The following IKZF2 variants were observed in gnomAD, a reference collection of about 807,000 sequenced individuals.
IKZF2 encodes the protein zinc finger protein Helios.
A neutral mutation model predicts 49.2 loss-of-function variants in IKZF2; 15 were observed. The ratio of observed to expected loss-of-function variants is 0.30; its 90% CI spans 0.20 to 0.47. The LOEUF is 0.47. IKZF2 is among the 20% of genes least tolerant of loss of function. IKZF2 has a pLI of 1.00. For missense variants in IKZF2, 567 were observed against 664.6 expected (o/e 0.85, Z 1.61); for synonymous variants, 227 against 221.4 (o/e 1.03, Z -0.23).
At chr2:213,078,664 A>C (rs1703553865) in intron 4 of IKZF2, among the ~76,000 whole-genome samples, 1 of 152,164 alleles carries the variant, frequency 6.6e-6, no homozygotes, top group Non-Finnish European at 1.5e-5. Flanking sequence ...CCCTTTGAAA[A>C]GTGAGTCCAG....
intron 4 of IKZF2, among the ~76,000 whole-genome samples, chr2:213,085,952 G>T (rs1331232502): frequency 6.6e-6 from 1 of 152,266 alleles, no homozygotes; most frequent in East Asian, 1.9e-4. Context: ...TCTTAAACTT[G>T]AGAAGGTGGT....
chr2:213,023,337 T>G (rs1198568360), intron 6 of IKZF2, among the ~76,000 whole-genome samples: 3 of 152,224 alleles, frequency 2.0e-5, no homozygotes, highest in Non-Finnish European at 2.9e-5. Flanking sequence ...AAAAGAAAGC[T>G]ACACCAAACC....
intron 4 of IKZF2, among the ~76,000 whole-genome samples, chr2:213,116,616 T>C (rs973090340): frequency 1.3e-5 from 2 of 152,088 alleles, no homozygotes; most frequent in Admixed American, 6.5e-5. Flanking sequence ...CCTGTGCCTG[T>C]AGTCCCAGCT....
chr2:213,148,623 T>C lies in IKZF2; in HGVS notation c.7A>G (p.Thr3Ala), dbSNP rs1175309970. ME[T>A]EAIDGYITCD... ...GTTATATAGCCATCAATAGCCTCTG[T>C]TTCCATAGTCAAAGTGCAATGCTGC... Residue 3 changes from threonine (T) to alanine (A), a missense_variant, in exon 3 of 9, where the codon ACA becomes GCA. Physicochemically the swap from Thr to Ala is moderately conservative, Grantham distance 58. Coordinates refer to ENST00000434687, the MANE Select transcript of IKZF2 (RefSeq NM_001387220.1). The C allele has an allele frequency of 1.9e-6, 3 of 1,612,100 alleles. No homozygotes were observed. Among genetic ancestry groups the C allele is most frequent in the South Asian group, 1.1e-5 (1 of 91,002 alleles).
chr2:213,100,000 A>T (rs1706468498), intron 4 of IKZF2, among the ~76,000 whole-genome samples: 1 of 152,112 alleles, frequency 6.6e-6, no homozygotes. Context: ...TATCCACATA[A>T]GTTACTAATA....
intron 6 of IKZF2, among the ~76,000 whole-genome samples, chr2:213,032,713 T>C (rs2125195203): frequency 6.6e-6 from 1 of 152,324 alleles, no homozygotes; most frequent in African/African-American, 2.4e-5. Flanking sequence ...ATTGCACCAC[T>C]GCACTGCACA....
intron 2 of IKZF2, among the ~76,000 whole-genome samples, chr2:213,149,149 G>C (rs1257170631): frequency 6.6e-6 from 1 of 152,134 alleles, no homozygotes; most frequent in Non-Finnish European, 1.5e-5. Context: ...GTGCCCAACG[G>C]TGTCTTGAAG....
intron 5 of IKZF2, among the ~76,000 whole-genome samples, chr2:213,052,988 T>A (rs1176047590): frequency 6.6e-6 from 1 of 152,116 alleles, no homozygotes; most frequent in East Asian, 1.9e-4. Flanking sequence ...TGTAAATAAT[T>A]TGTTCTTTAA....
At chr2:213,034,730 A>C (rs1698838198) in intron 6 of IKZF2, among the ~76,000 whole-genome samples, 1 of 152,224 alleles carries the variant, frequency 6.6e-6, no homozygotes, top group African/African-American at 2.4e-5. Context: ...GCAAATGTGA[A>C]ATATTGCAAG....
At chr2:213,050,463 T>A (rs1193361491) in intron 5 of IKZF2, among the ~76,000 whole-genome samples, 1 of 152,142 alleles carries the variant, frequency 6.6e-6, no homozygotes, top group Admixed American at 6.6e-5. Flanking sequence ...TTAGCTGATA[T>A]GGAAAGGGGC....
At chr2:213,074,163 C>T (rs1328174628) in intron 4 of IKZF2, among the ~76,000 whole-genome samples, 1 of 152,166 alleles carries the variant, frequency 6.6e-6, no homozygotes, top group Admixed American at 6.5e-5. Context: ...CCATATAAAA[C>T]TAAGTCAAGG....
At chr2:213,075,046 C>CT (rs1013246603) in intron 4 of IKZF2, among the ~76,000 whole-genome samples, 3 of 152,124 alleles carry the variant, frequency 2.0e-5, no homozygotes, top group African/African-American at 7.2e-5. Flanking sequence ...TGGCTATACA[C>CT]TATACAGATA....
intron 4 of IKZF2, among the ~76,000 whole-genome samples, chr2:213,071,322 T>C (rs757693742): frequency 4.6e-5 from 7 of 152,032 alleles, no homozygotes; most frequent in African/African-American, 9.7e-5. Context: ...CACAAGCTCA[T>C]TTACTAAGTA....
intron 4 of IKZF2, among the ~76,000 whole-genome samples, chr2:213,064,891 A>G (rs966962363): frequency 6.6e-6 from 1 of 152,046 alleles, no homozygotes; most frequent in Admixed American, 6.6e-5. Flanking sequence ...CAGTTGTTAG[A>G]TTAATCTTCC....
chr2:213,121,952 T>C (rs2060072560), intron 4 of IKZF2, among the ~76,000 whole-genome samples: 1 of 152,056 alleles, frequency 6.6e-6, no homozygotes, highest in South Asian at 2.1e-4. Context: ...GAGAGAGAAG[T>C]GCAGAAATAA....
chr2:213,056,727 T>A (rs1701185419), intron 5 of IKZF2, 106 bp downstream of exon 5: 1 of 1,386,728 alleles, frequency 7.2e-7, no homozygotes, highest in African/African-American at 1.4e-5. Context: ...GAAAAGGTAG[T>A]TTTCACCACT....
At chr2:213,142,551 A>G (rs2060912560) in intron 4 of IKZF2, among the ~76,000 whole-genome samples, 1 of 151,960 alleles carries the variant, frequency 6.6e-6, no homozygotes, top group African/African-American at 2.4e-5. Context: ...TTTTGCATGT[A>G]TTGCCTTATT....
chr2:213,044,452 C>T (rs542064602), intron 6 of IKZF2, among the ~76,000 whole-genome samples: 1 of 152,266 alleles, frequency 6.6e-6, no homozygotes, highest in African/African-American at 2.4e-5. Flanking sequence ...AAATGGAATT[C>T]AAGGATAGCA....
At chr2:213,107,984 G>C (rs2059587109) in intron 4 of IKZF2, among the ~76,000 whole-genome samples, 1 of 152,094 alleles carries the variant, frequency 6.6e-6, no homozygotes, top group Non-Finnish European at 1.5e-5. Context: ...TGCTAAATTA[G>C]GCAAAAGGAA....
Sources: allele counts gnomAD v4.1 joint callset (sites outside exome capture counted in the v4.1 genomes callset), GRCh38; gene constraint gnomAD v4.1.1; transcripts MANE v1.5; gene names NCBI Gene and HGNC (gene_info 2026-07-23, HGNC 2026-07-21).